Variants in FGGY observed in about 807,000 individuals in gnomAD.
FGGY encodes the protein FGGY carbohydrate kinase domain-containing protein.
A neutral mutation model predicts 71.3 loss-of-function variants in FGGY; 72 were observed. The observed-to-expected ratio is 1.01, with a 90% CI of 0.84 to 1.23. FGGY has a LOEUF of 1.23. Among genes scored for constraint, FGGY ranks in the 50% most tolerant of loss-of-function variants. The pLI is 0.00. For synonymous variants in FGGY, 251 were observed against 250.3 expected (o/e 1.00, Z -0.02); for missense variants, 668 against 682.3 (o/e 0.98, Z 0.23).
intron 1 of FGGY, among the ~76,000 whole-genome samples, chr1:59,300,000 T>C (rs768444861): frequency 3.3e-5 from 5 of 152,090 alleles, no homozygotes; most frequent in East Asian, 3.9e-4. Context: ...TACTGACATA[T>C]TGATTCTTTG....
At chr1:59,527,315 C>CT in intron 7 of FGGY, among the ~76,000 whole-genome samples, 1 of 152,212 alleles carries the variant, frequency 6.6e-6, no homozygotes, top group Non-Finnish European at 1.5e-5. Context: ...GTGCCTAGCA[C>CT]TTTATCTTTG....
intron 10 of FGGY, among the ~76,000 whole-genome samples, chr1:59,630,861 C>T (rs1168186020): frequency 6.6e-6 from 1 of 152,148 alleles, no homozygotes; most frequent in African/African-American, 2.4e-5. Flanking sequence ...AACCCACTTC[C>T]AGCTACTTTC....
intron 6 of FGGY, among the ~76,000 whole-genome samples, chr1:59,478,413 G>A (rs1453029628): frequency 6.6e-6 from 1 of 152,004 alleles, no homozygotes; most frequent in Non-Finnish European, 1.5e-5. Context: ...CCCATGTTTG[G>A]TTTATTTAAT....
intron 7 of FGGY, among the ~76,000 whole-genome samples, chr1:59,532,933 C>T (rs2095192408): frequency 6.6e-6 from 1 of 151,836 alleles, no homozygotes; most frequent in African/African-American, 2.4e-5. Context: ...TGCAGAAAGT[C>T]AATACAAAAC....
intron 10 of FGGY, among the ~76,000 whole-genome samples, chr1:59,637,609 AG>A (rs796329353): frequency 3.9e-5 from 6 of 152,344 alleles, no homozygotes; most frequent in African/African-American, 1.4e-4. Flanking sequence ...TCTCAAAAAA[AG>A]AAAAAGAAAA....
intron 7 of FGGY, among the ~76,000 whole-genome samples, chr1:59,534,596 C>A (rs2095259936): frequency 6.6e-6 from 1 of 152,144 alleles, no homozygotes; most frequent in Non-Finnish European, 1.5e-5. Context: ...GTAGGGTTAT[C>A]CTCAAAGGGA....
intron 14 of FGGY, among the ~76,000 whole-genome samples, chr1:59,678,628 T>C (rs2097460354): frequency 1.3e-5 from 2 of 152,168 alleles, no homozygotes; most frequent in South Asian, 4.2e-4. Flanking sequence ...CACTTTCTGT[T>C]TCCTTCAGGC....
intron 6 of FGGY, among the ~76,000 whole-genome samples, chr1:59,480,521 T>C (rs532466729): frequency 6.6e-6 from 1 of 152,336 alleles, no homozygotes; most frequent in South Asian, 2.1e-4. Context: ...TACATACTAC[T>C]ACCTGCAAGG....
intron 8 of FGGY, among the ~76,000 whole-genome samples, chr1:59,577,530 GTAAACT>G (rs1180513479): frequency 1.3e-5 from 2 of 151,658 alleles, no homozygotes; most frequent in African/African-American, 4.9e-5. Context: ...GGGTATAGTG[GTAAACT>G]TAAAGTTTAC....
intron 6 of FGGY, among the ~76,000 whole-genome samples, chr1:59,496,780 C>G (rs2094048739): frequency 6.6e-6 from 1 of 152,134 alleles, no homozygotes; most frequent in South Asian, 2.1e-4. Context: ...GTTGGGGATT[C>G]ATATGTGATA....
At chr1:59,689,580 C>T (rs2097573253) in intron 14 of FGGY, among the ~76,000 whole-genome samples, 1 of 151,912 alleles carries the variant, frequency 6.6e-6, no homozygotes, top group South Asian at 2.1e-4. Flanking sequence ...ACGTTAAGTC[C>T]TTCTTAGATA....
intron 6 of FGGY, among the ~76,000 whole-genome samples, chr1:59,493,096 AACACACACACAC>A (rs3035371): frequency 2.8e-5 from 4 of 143,022 alleles, no homozygotes; most frequent in Non-Finnish European, 4.5e-5. Flanking sequence ...TACCAAACAA[AACACACACACAC>A]ACACACACAC....
intron 6 of FGGY, among the ~76,000 whole-genome samples, chr1:59,501,244 A>T (rs1314504958): frequency 6.6e-6 from 1 of 152,192 alleles, no homozygotes; most frequent in African/African-American, 2.4e-5. Context: ...TATTTACCTT[A>T]AAAAAGAACA....
intron 1 of FGGY, among the ~76,000 whole-genome samples, chr1:59,298,319 TA>T (rs375257517): frequency 2.0e-5 from 3 of 152,106 alleles, no homozygotes; most frequent in African/African-American, 7.2e-5. Flanking sequence ...GCACTGTTAT[TA>T]AGGATGATTG....
At chr1:59,394,542 T>A (rs2061091971) in intron 5 of FGGY, among the ~76,000 whole-genome samples, 1 of 152,210 alleles carries the variant, frequency 6.6e-6, no homozygotes, top group Non-Finnish European at 1.5e-5. Flanking sequence ...CAGGTTCAAG[T>A]GTATAAAGCT....
chr1:59,647,024 A>G (rs1477882329), intron 11 of FGGY, among the ~76,000 whole-genome samples: 3 of 152,198 alleles, frequency 2.0e-5, no homozygotes, highest in African/African-American at 2.4e-5. Context: ...ACTAAACAAC[A>G]AGTAAAACCA....
At chr1:59,373,691 A>G (rs370366795) in intron 4 of FGGY, among the ~76,000 whole-genome samples, 1 of 152,164 alleles carries the variant, frequency 6.6e-6, no homozygotes, top group East Asian at 1.9e-4. Context: ...ACAGCATGGT[A>G]CTGGTACCAA....
In FGGY at chr1:59,660,271, T is replaced by G. The variant is rs576903881; in HGVS notation, c.1274T>G (p.Leu425Arg). The change falls in exon 12 of 16, where the codon CTG (leucine) becomes CGG (arginine). Residue 425 changes from leucine to arginine, a missense_variant. By Grantham distance (102) the Leu-to-Arg change is moderately radical. Transcript: ENST00000303721. ...QDLDDLAILY[L>R]ATVQAIALGT... ...CTTGATGATCTTGCCATTCTCTACC[T>G]GGCCACAGTTCAAGCCATTGCTGTA... The G allele has an allele frequency of 6.2e-7, 1 of 1,613,404 alleles. No individual in the cohort carries two copies. Among genetic ancestry groups the G allele is most frequent in the East Asian group, 2.2e-5 (1 of 44,884 alleles).
chr1:59,469,061 A>G (rs191613112), intron 6 of FGGY, among the ~76,000 whole-genome samples: 17 of 152,164 alleles, frequency 1.1e-4, no homozygotes, highest in African/African-American at 3.6e-4. Flanking sequence ...AACCTGCACA[A>G]TACTGACTTA....
Sources: allele counts gnomAD v4.1 joint callset (sites outside exome capture counted in the v4.1 genomes callset), GRCh38; gene constraint gnomAD v4.1.1; transcripts MANE v1.5; gene names NCBI Gene and HGNC (gene_info 2026-07-23, HGNC 2026-07-21).